The following UGT8 variants were observed in gnomAD, a reference collection of about 807,000 sequenced individuals.
UGT8 encodes 2-hydroxyacylsphingosine 1-beta-galactosyltransferase.
A neutral mutation model predicts 40.5 loss-of-function variants in UGT8; 12 were observed. The observed-to-expected ratio is 0.30, with a 90% confidence interval of 0.19 to 0.48. The LOEUF (loss-of-function observed/expected upper bound fraction) is 0.48. UGT8 is among the 20% of genes least tolerant of loss of function. The pLI is 0.99. For missense variants in UGT8, 513 were observed against 648.7 expected (o/e 0.79, Z 2.27); for synonymous variants, 224 against 240.4 (o/e 0.93, Z 0.63).
chr4:114,634,104 G>T lies in UGT8; in HGVS notation c.822+10402G>T, dbSNP rs1021331167. On this transcript the variant is annotated intron_variant, in intron 2 of 5. Transcript: ENST00000310836. ...GGGATAATTCCAAGTATATTTGGGAGGTAGAATTGAATGGGGTGAAGTTGA... is the reference window on the plus strand; with the variant it reads ...GGGATAATTCCAAGTATATTTGGGATGTAGAATTGAATGGGGTGAAGTTGA... Among the ~76,000 whole-genome samples the T allele has an allele frequency of 8.5e-5, 13 of 152,304 alleles. No individual in the cohort carries two copies. In the South Asian group the frequency reaches 2.7e-3, roughly 32 times the overall value.
At chr4:114,615,043 A>G (rs577458154) in intron 1 of UGT8, among the ~76,000 whole-genome samples, 1 of 152,292 alleles carries the variant, frequency 6.6e-6, no homozygotes, top group Non-Finnish European at 1.5e-5. Context: ...CAGATGAAAG[A>G]TACATGTTTA....
intron 2 of UGT8, among the ~76,000 whole-genome samples, chr4:114,631,836 T>G (rs959325832): frequency 3.9e-5 from 6 of 152,236 alleles, no homozygotes; most frequent in African/African-American, 1.4e-4. Flanking sequence ...TTATTTTCAG[T>G]GTAAATTGCA....
At chr4:114,645,148 A>G (rs1733490371) in intron 2 of UGT8, among the ~76,000 whole-genome samples, 1 of 152,208 alleles carries the variant, frequency 6.6e-6, no homozygotes, top group Non-Finnish European at 1.5e-5. Context: ...AAAAAAATTA[A>G]CAAATCCAAA....
chr4:114,634,732 AG>A (rs1732783184), intron 2 of UGT8, among the ~76,000 whole-genome samples: 1 of 152,268 alleles, frequency 6.6e-6, no homozygotes, highest in Admixed American at 6.5e-5. Flanking sequence ...ACTGGGAACC[AG>A]GTGAATATCT....
intron 5 of UGT8, among the ~76,000 whole-genome samples, chr4:114,669,774 G>C (rs533621588): frequency 2.0e-5 from 3 of 152,308 alleles, no homozygotes; most frequent in South Asian, 2.1e-4. Flanking sequence ...ATGCACATCA[G>C]ATAATGAGTT....
chr4:114,667,979 C>G, intron 4 of UGT8, 106 bp from the exon 5 acceptor site: 1 of 1,476,412 alleles, frequency 6.8e-7, no homozygotes, highest in Non-Finnish European at 8.9e-7. Flanking sequence ...AATCCTTTAT[C>G]TGAAATGCAT....
intron 3 of UGT8, chr4:114,665,310 C>T: frequency 3.5e-6 from 3 of 855,776 alleles, no homozygotes; most frequent in Non-Finnish European, 2.8e-6. Flanking sequence ...GCAGTGGCAG[C>T]TCTCCCTGCT....
In UGT8 at chr4:114,615,529, C is replaced by T. The variant is rs190189571; in HGVS notation, c.-2-7350C>T. ...GGCTTCCGTGACTTAGGAAAGGTAG[C>T]TTAGTTGCTTCACACACAATAATTT... On this transcript the variant is annotated intron_variant, in intron 1 of 5. Coordinates refer to ENST00000310836, the MANE Select transcript of UGT8 (RefSeq NM_001128174.3). Among the ~76,000 whole-genome samples, 81 of 152,264 alleles carry T rather than the reference C, an allele frequency of 5.3e-4. 1 individual carries two copies. The East Asian group carries it at 0.014, about 27-fold the overall frequency.
In UGT8 at chr4:114,661,800, A is replaced by G. The variant is rs992934321; in HGVS notation, c.823-2195A>G. Among the ~76,000 whole-genome samples the G allele has an allele frequency of 7.1e-4, 108 of 152,206 alleles. 1 individual carries two copies. Among genetic ancestry groups the G allele is most frequent in the African/African-American group, 2.4e-3 (101 of 41,454 alleles). On this transcript the variant is annotated intron_variant, in intron 2 of 5. Coordinates refer to ENST00000310836, the MANE Select transcript of UGT8 (RefSeq NM_001128174.3). Reference sequence around the variant, plus strand: ...TAAGCCAAGTGGAATAATATCTTCTAAAAGTACTGAGATTTTTTCCTGAAG... The same window carrying G: ...TAAGCCAAGTGGAATAATATCTTCTGAAAGTACTGAGATTTTTTCCTGAAG...
intron 2 of UGT8, among the ~76,000 whole-genome samples, chr4:114,657,456 G>A (rs1734257915): frequency 2.6e-5 from 4 of 152,064 alleles, no homozygotes; most frequent in South Asian, 4.2e-4. Flanking sequence ...TAGAACCATT[G>A]CCTTGACATT....
At chr4:114,661,647 A>G (rs957281818) in intron 2 of UGT8, among the ~76,000 whole-genome samples, 3 of 152,196 alleles carry the variant, frequency 2.0e-5, no homozygotes, top group Non-Finnish European at 4.4e-5. Context: ...TGAAGATTAG[A>G]GATCATGGGG....
At chr4:114,655,424 C>G (rs1300331975) in intron 2 of UGT8, among the ~76,000 whole-genome samples, 1 of 151,932 alleles carries the variant, frequency 6.6e-6, no homozygotes, top group Non-Finnish European at 1.5e-5. Context: ...GGGGCTTATT[C>G]TAGGTGGTGG....
At chr4:114,675,290 G>C (rs1735555630) in intron 5 of UGT8, among the ~76,000 whole-genome samples, 1 of 152,088 alleles carries the variant, frequency 6.6e-6, no homozygotes, top group African/African-American at 2.4e-5. Context: ...CTATTTAAAA[G>C]TATGTGGAGA....
At chr4:114,665,955 C>G (rs1181978080) in intron 4 of UGT8, among the ~76,000 whole-genome samples, 199 bp downstream of exon 4, 3 of 151,680 alleles carry the variant, frequency 2.0e-5, no homozygotes, top group Non-Finnish European at 4.4e-5. Flanking sequence ...TATTGGAAAA[C>G]AGTTTGTAAA....
At chr4:114,674,399 TCTA>T (rs1191419241) in intron 5 of UGT8, among the ~76,000 whole-genome samples, 2 of 152,196 alleles carry the variant, frequency 1.3e-5, no homozygotes, top group Non-Finnish European at 2.9e-5. Context: ...TGCCAACTCT[TCTA>T]CTACACCATT....
chr4:114,625,808 G>T (rs1388244607), intron 2 of UGT8, among the ~76,000 whole-genome samples: 5 of 151,956 alleles, frequency 3.3e-5, no homozygotes, highest in African/African-American at 1.2e-4. Context: ...GTGGTTTTTG[G>T]TGCTCGACAT....
intron 4 of UGT8, among the ~76,000 whole-genome samples, chr4:114,667,047 G>T (rs761858228): frequency 5.9e-5 from 9 of 152,004 alleles, no homozygotes; most frequent in Non-Finnish European, 1.3e-4. Context: ...CAAAGAGAGG[G>T]GTTTTTGCTA....
intron 2 of UGT8, among the ~76,000 whole-genome samples, chr4:114,635,881 T>TGTA (rs1266633192): frequency 1.3e-5 from 2 of 152,194 alleles, no homozygotes; most frequent in African/African-American, 4.8e-5. Context: ...AAGCATTAGA[T>TGTA]GTTACAAGAA....
chr4:114,601,161 T>G (rs769927624), intron 1 of UGT8, among the ~76,000 whole-genome samples: 8 of 152,198 alleles, frequency 5.3e-5, no homozygotes, highest in Non-Finnish European at 1.2e-4. Context: ...CGTCTTAGAA[T>G]AAATAAACCA....
Sources: gnomAD v4.1 joint callset for allele counts (sites outside exome capture counted in the v4.1 genomes callset) on GRCh38, gnomAD v4.1.1 for gene constraint, MANE v1.5 for transcripts, NCBI Gene and HGNC (gene_info 2026-07-23, HGNC 2026-07-21) for gene names.